The following ALKBH6 variants were observed in gnomAD, a reference collection of about 807,000 sequenced individuals.
ALKBH6 encodes the protein probable RNA/DNA demethylase ALKBH6.
ALKBH6 carries 20 observed loss-of-function variants against 25.1 expected under a neutral mutation model. That is an observed-to-expected ratio of 0.80 (90% CI 0.56 to 1.16). The LOEUF (loss-of-function observed/expected upper bound fraction) is 1.16. ALKBH6 is among the 50% of genes most tolerant of loss of function. The probability of loss-of-function intolerance (pLI) is 0.00; values close to 1 mark genes in which losing one functional copy is unlikely to be tolerated. For missense variants in ALKBH6, 263 were observed against 326.5 expected (o/e 0.81, Z 1.50); for synonymous variants, 156 against 147.5 (o/e 1.06, Z -0.42).
rs1258162263 is a variant in ALKBH6 at position 36,009,566 on chromosome 19, T to C, written c.454-13A>G. On this transcript the variant is annotated splice_polypyrimidine_tract_variant and intron_variant, in intron 6 of 6. Coordinates refer to ENST00000378875, the MANE Select transcript of ALKBH6 (RefSeq NM_032878.5). ...GCGGAGGCCGAGGCTGCAGGGCGGG[T>C]TGAGGGTCAGCAGGGCTCAAGAAGT... The C allele has an allele frequency of 2.4e-6, 3 of 1,225,806 alleles. No individual in the cohort carries two copies. The highest frequency in any genetic ancestry group is 3.0e-6 in the Non-Finnish European group (3 of 988,802). The allele number at this position is 1,225,806 out of a possible 1,614,324, so 75.9% of individuals were successfully genotyped here.
Position 36,013,724 on chromosome 19 carries a change from C to T in ALKBH6, c.-25-302G>A, listed in dbSNP as rs1018622533. On this transcript the variant is annotated intron_variant, in intron 1 of 6. Transcript: ENST00000378875. This position sits in a 1 kb window ranked among gnomAD's most constrained non-coding sequence, Gnocchi z 4.6. Reference sequence around the variant, plus strand: ...ATTCTCTGGCCCCACACACAGGGAGCCTTTCTCAAAAGCTCTACACATAGC... The same window carrying T: ...ATTCTCTGGCCCCACACACAGGGAGTCTTTCTCAAAAGCTCTACACATAGC... 1.6e-6 allele frequency: 2 copies of T among 1,266,824 alleles called. No individual in the cohort carries two copies. The highest frequency in any genetic ancestry group is 2.0e-6 in the Non-Finnish European group (2 of 1,001,688). The allele number at this position is 1,266,824 out of a possible 1,614,324, so 78.5% of individuals were successfully genotyped here.
chr19:36,013,838 A>C lies in ALKBH6; in HGVS notation c.-26+337T>G, dbSNP rs1599688462. On this transcript the variant is annotated intron_variant, in intron 1 of 6. Coordinates refer to ENST00000378875, the MANE Select transcript of ALKBH6 (RefSeq NM_032878.5). This position sits in a 1 kb window ranked among gnomAD's most constrained non-coding sequence, Gnocchi z 4.6. ...TGAGCCCGGCTATCAACACTCAGCGACCCCCGCCCCCCACCGAATCCCATT... is the reference window on the plus strand; with the variant it reads ...TGAGCCCGGCTATCAACACTCAGCGCCCCCCGCCCCCCACCGAATCCCATT... 4.7e-6 allele frequency: 6 copies of C among 1,274,762 alleles called. No individual in the cohort carries two copies. Among genetic ancestry groups the C allele is most frequent in the Non-Finnish European group, 5.9e-6 (6 of 1,010,966 alleles). The allele number at this position is 1,274,762 out of a possible 1,614,324, so 79.0% of individuals were successfully genotyped here. A position where few individuals can be genotyped will look rare whatever the true frequency, so the allele number is the denominator to read the frequency against.
Position 36,010,682 on chromosome 19 carries a change from G to A in ALKBH6, c.338C>T (p.Pro113Leu), listed in dbSNP as rs529758959. Reference protein sequence around the residue: ...NQYLPGEGIMPHEDGPLYYPT... With the variant: ...NQYLPGEGIMLHEDGPLYYPT... ...GTAGTACAGTGGTCCGTCCTCGTGG[G>A]GCTAGGGAGTGGGCACCAGGGCTGG... The change falls in exon 6 of 7, where the codon CCC becomes CTC. Residue 113 changes from proline (P) to leucine (L), a missense_variant and splice_region_variant. Coordinates refer to ENST00000378875, the MANE Select transcript of ALKBH6 (RefSeq NM_032878.5). The surrounding 1 kb of genome is among the most constrained non-coding windows in gnomAD (Gnocchi z 5.5). 6.2e-7 allele frequency: 1 copy of A among 1,613,660 alleles called. No homozygotes were observed.
Position 36,010,149 on chromosome 19 carries a change from G to A in ALKBH6, c.453+418C>T, listed in dbSNP as rs1968554719. 1 of 191,258 alleles carries A rather than the reference G, an allele frequency of 5.2e-6. No homozygotes were observed. Among genetic ancestry groups the A allele is most frequent in the Non-Finnish European group, 1.1e-5 (1 of 93,396 alleles). The allele number at this position is 191,258 out of a possible 1,614,324, so 11.8% of individuals were successfully genotyped here. On this transcript the variant is annotated intron_variant, in intron 6 of 6. Coordinates refer to ENST00000378875, the MANE Select transcript of ALKBH6 (RefSeq NM_032878.5). This position sits in a 1 kb window ranked among gnomAD's most constrained non-coding sequence, Gnocchi z 5.5. ...GAAATGCATCACTCAGAGAAATTGT[G>A]TCAAGGGGTCAAGGAGAATCTGGGG...
intron 1 of ALKBH6, 91 bp downstream of exon 1, chr19:36,014,084 C>A: frequency 1.3e-6 from 2 of 1,580,640 alleles, no homozygotes; most frequent in South Asian, 1.1e-5. Flanking sequence ...AAGCTCTGAG[C>A]CTCCTCGGAC....
At position 36,013,070 on chromosome 19, in the gene ALKBH6, T is replaced by C. The variant is rs985937920; in HGVS notation, c.74A>G (p.Tyr25Cys). The change falls in exon 3 of 7, where the codon TAT (tyrosine) becomes TGT (cysteine). Residue 25 changes from tyrosine (Y) to cysteine (C), a missense_variant. Tyr to Cys is a radical substitution (Grantham distance 194, BLOSUM62 -2). Transcript: ENST00000378875. The surrounding 1 kb of genome is among the most constrained non-coding windows in gnomAD (Gnocchi z 4.6). ...RVEQAPPVIY[Y>C]VPDFISKEEE... ...TTCTTTGGAGATGAAGTCAGGGACATAGTAGATTACAGGTGGTGCCTAGGA... is the reference window on the plus strand; with the variant it reads ...TTCTTTGGAGATGAAGTCAGGGACACAGTAGATTACAGGTGGTGCCTAGGA... 1 of 1,613,976 alleles carries C rather than the reference T, an allele frequency of 6.2e-7. No individual in the cohort carries two copies. The highest frequency in any genetic ancestry group is 8.5e-7 in the Non-Finnish European group (1 of 1,179,928).
At position 36,010,408 on chromosome 19, in the gene ALKBH6, G is replaced by A. The variant is rs1214813880; in HGVS notation, c.453+159C>T. The A allele has an allele frequency of 1.5e-6, 1 of 686,230 alleles. No homozygotes were observed. Among genetic ancestry groups the A allele is most frequent in the Non-Finnish European group, 2.6e-6 (1 of 387,072 alleles). 42.5% of individuals were successfully genotyped at this position (686,230 alleles called of 1,614,324 possible). ...CAGACACCCTGTAAGCAGATGGGTT[G>A]GGTGTCTGGGAGGAAGTGGGTACAC... On this transcript the variant is annotated intron_variant, in intron 6 of 6. Transcript: ENST00000378875. This position sits in a 1 kb window ranked among gnomAD's most constrained non-coding sequence, Gnocchi z 5.5.
In ALKBH6 at chr19:36,013,151, C is replaced by A. The variant is rs1437429110; in HGVS notation, c.55-62G>T. ...AACCCACACAGAGGACATATCATCACAGAGCAACCCCTATGCCTGGAGACA... is the reference window on the plus strand; with the variant it reads ...AACCCACACAGAGGACATATCATCAAAGAGCAACCCCTATGCCTGGAGACA... On this transcript the variant is annotated intron_variant, in intron 2 of 6. Transcript: ENST00000378875. This position sits in a 1 kb window ranked among gnomAD's most constrained non-coding sequence, Gnocchi z 4.6. 2.0e-6 allele frequency: 3 copies of A among 1,535,266 alleles called. No homozygotes were observed. The highest frequency in any genetic ancestry group is 2.7e-6 in the Non-Finnish European group (3 of 1,109,418).
Position 36,010,685 on chromosome 19 carries a change from T to C in ALKBH6, c.337-2A>G. 6.2e-7 allele frequency: 1 copy of C among 1,613,380 alleles called. No individual in the cohort carries two copies. ...GTACAGTGGTCCGTCCTCGTGGGGC[T>C]AGGGAGTGGGCACCAGGGCTGGGCA... On this transcript the variant is annotated splice_acceptor_variant, in intron 5 of 6. Transcript: ENST00000378875. LOFTEE classifies it high-confidence loss of function. The surrounding 1 kb of genome is among the most constrained non-coding windows in gnomAD (Gnocchi z 5.5).
Position 36,013,986 on chromosome 19 carries a change from C to G in ALKBH6, c.-26+189G>C. The G allele has an allele frequency of 7.1e-7, 1 of 1,409,436 alleles. No homozygotes were observed. Among genetic ancestry groups the G allele is most frequent in the East Asian group, 2.9e-5 (1 of 34,714 alleles). 87.3% of individuals were successfully genotyped at this position (1,409,436 alleles called of 1,614,324 possible). A position where few individuals can be genotyped will look rare whatever the true frequency, so the allele number is the denominator to read the frequency against. ...CTGAGCGCCCCTTCACTCCAGCACC[C>G]TGAGATCTTTAGCTCTGAGGCTGAC... On this transcript the variant is annotated intron_variant, in intron 1 of 6. Transcript: ENST00000378875. The surrounding 1 kb of genome is among the most constrained non-coding windows in gnomAD (Gnocchi z 4.6).
In ALKBH6 at chr19:36,013,161, C is replaced by A; in HGVS notation, c.55-72G>T. On this transcript the variant is annotated intron_variant, in intron 2 of 6. Transcript: ENST00000378875. This position sits in a 1 kb window ranked among gnomAD's most constrained non-coding sequence, Gnocchi z 4.6. ...GAGGACATATCATCACAGAGCAACC[C>A]CTATGCCTGGAGACAGGCTCAGGAT... 6.6e-7 allele frequency: 1 copy of A among 1,511,584 alleles called. No homozygotes were observed. Among genetic ancestry groups the A allele is most frequent in the South Asian group, 1.1e-5 (1 of 88,520 alleles). 93.6% of individuals were successfully genotyped at this position (1,511,584 alleles called of 1,614,324 possible).
Position 36,009,326 on chromosome 19 carries a change from G to C in ALKBH6, c.681C>G (p.Pro227=). The C allele has an allele frequency of 7.4e-7, 1 of 1,357,774 alleles. No individual in the cohort carries two copies. Among genetic ancestry groups the C allele is most frequent in the Non-Finnish European group, 9.5e-7 (1 of 1,052,766 alleles). 84.1% of individuals were successfully genotyped at this position (1,357,774 alleles called of 1,614,324 possible). The change falls in exon 7 of 7, where the codon CCC becomes CCG. Residue 227 remains proline, a synonymous_variant. Coordinates refer to ENST00000378875, the MANE Select transcript of ALKBH6 (RefSeq NM_032878.5). ...GCAGGAGGCCGGCGCGCAGCACGCG[G>C]GGCACGCGGCGGATGGTCAGCGAGA... ...TRVSLTIRRV[P]RVLRAGLLLG...
Position 36,009,253 on chromosome 19 carries a change from A to C in ALKBH6, c.*37T>G. 1 of 1,296,498 alleles carries C rather than the reference A, an allele frequency of 7.7e-7. No individual in the cohort carries two copies. The highest frequency in any genetic ancestry group is 9.8e-7 in the Non-Finnish European group (1 of 1,023,260). 80.3% of individuals were successfully genotyped at this position (1,296,498 alleles called of 1,614,324 possible). On this transcript the variant is annotated 3_prime_UTR_variant, in exon 7 of 7. Coordinates refer to ENST00000378875, the MANE Select transcript of ALKBH6 (RefSeq NM_032878.5). ...GGAGTCACAGCAGCCCCAAAGGGGC[A>C]GGAACCTGGGAATCCGAGGGGTCCC... is the stretch of plus-strand genomic sequence containing the variant.
At chr19:36,011,557 G>A in intron 3 of ALKBH6, 93 bp from the exon 4 acceptor site, 3 of 1,348,426 alleles carry the variant, frequency 2.2e-6, no homozygotes, top group Non-Finnish European at 2.1e-6. Context: ...CCTCCGGGAT[G>A]GAAATGGGTC....
Position 36,013,008 on chromosome 19 carries a change from G to A in ALKBH6, c.123+13C>T. On this transcript the variant is annotated intron_variant, in intron 3 of 6. Coordinates refer to ENST00000378875, the MANE Select transcript of ALKBH6 (RefSeq NM_032878.5). The surrounding 1 kb of genome is among the most constrained non-coding windows in gnomAD (Gnocchi z 4.6). The stretch of plus-strand genomic sequence containing the variant: ...AAGAGTGGGAAAACAGACCAGTAGG[G>A]CACTGAGGTCACCTGTCGAAGCAAA... 1 of 1,608,884 alleles carries A rather than the reference G, an allele frequency of 6.2e-7. No individual in the cohort carries two copies. The highest frequency in any genetic ancestry group is 1.7e-4 in the Middle Eastern group (1 of 6,052).
At position 36,009,274 on chromosome 19, in the gene ALKBH6, G is replaced by T; in HGVS notation, c.*16C>A. 1.5e-6 allele frequency: 2 copies of T among 1,335,220 alleles called. No individual in the cohort carries two copies. The highest frequency in any genetic ancestry group is 1.9e-6 in the Non-Finnish European group (2 of 1,043,820). 82.7% of individuals were successfully genotyped at this position (1,335,220 alleles called of 1,614,324 possible). The stretch of plus-strand genomic sequence containing the variant: ...GGGCAGGAACCTGGGAATCCGAGGG[G>T]TCCCGGCCCTGGCGGTCACTTGCCC... On this transcript the variant is annotated 3_prime_UTR_variant, in exon 7 of 7. Transcript: ENST00000378875.
Position 36,009,367 on chromosome 19 carries a change from C to G in ALKBH6, c.640G>C (p.Val214Leu). The change falls in exon 7 of 7, where the codon GTG (valine) becomes CTG (leucine). Residue 214 changes from valine to leucine, a missense_variant. This residue lies in a region of ALKBH6 where 148 missense variants were observed against 157.5 expected (regional missense o/e 0.94). Transcript: ENST00000378875. ...CPSARPGACLVRGTRVSLTIR... is the reference protein window; with the variant it reads ...CPSARPGACLLRGTRVSLTIR... ...GTCAGCGAGACCCGGGTGCCGCGCACCAGGCAGGCTCCCGGCCGCGCCGAC... is the reference window on the plus strand; with the variant it reads ...GTCAGCGAGACCCGGGTGCCGCGCAGCAGGCAGGCTCCCGGCCGCGCCGAC... The G allele has an allele frequency of 1.6e-6, 2 of 1,283,630 alleles. No individual in the cohort carries two copies. The highest frequency in any genetic ancestry group is 2.0e-6 in the Non-Finnish European group (2 of 1,015,734). The allele number at this position is 1,283,630 out of a possible 1,614,324, so 79.5% of individuals were successfully genotyped here. A position where few individuals can be genotyped will look rare whatever the true frequency, so the allele number is the denominator to read the frequency against.
chr19:36,013,941 C>T lies in ALKBH6; in HGVS notation c.-26+234G>A. On this transcript the variant is annotated intron_variant, in intron 1 of 6. Transcript: ENST00000378875. This position sits in a 1 kb window ranked among gnomAD's most constrained non-coding sequence, Gnocchi z 4.6. ...GCCTCCTCGGATCCCCCCATTTGGA[C>T]GCCCCTCGGATTTCCCCTCCTGAGC... 2.2e-6 allele frequency: 3 copies of T among 1,370,580 alleles called. No homozygotes were observed. Among genetic ancestry groups the T allele is most frequent in the Non-Finnish European group, 2.8e-6 (3 of 1,068,694 alleles). The allele number at this position is 1,370,580 out of a possible 1,614,324, so 84.9% of individuals were successfully genotyped here. A position where few individuals can be genotyped will look rare whatever the true frequency, so the allele number is the denominator to read the frequency against.
Position 36,013,204 on chromosome 19 carries a change from G to A in ALKBH6, c.55-115C>T, listed in dbSNP as rs1428731754. 1 of 1,440,212 alleles carries A rather than the reference G, an allele frequency of 6.9e-7. No homozygotes were observed. The highest frequency in any genetic ancestry group is 1.2e-5 in the South Asian group (1 of 85,402). The allele number at this position is 1,440,212 out of a possible 1,614,324, so 89.2% of individuals were successfully genotyped here. A position where few individuals can be genotyped will look rare whatever the true frequency, so the allele number is the denominator to read the frequency against. On this transcript the variant is annotated intron_variant, in intron 2 of 6. Transcript: ENST00000378875. This position sits in a 1 kb window ranked among gnomAD's most constrained non-coding sequence, Gnocchi z 4.6. Reference sequence around the variant, plus strand: ...CTCAGGATGTCCTCAGACAGGTCAGGGTCTAAAGTCAAGGGACCAGTGCCA... The same window carrying A: ...CTCAGGATGTCCTCAGACAGGTCAGAGTCTAAAGTCAAGGGACCAGTGCCA...
Sources: allele counts gnomAD v4.1 joint callset, GRCh38; gene constraint gnomAD v4.1.1; regional missense constraint gnomAD v4.1.1; non-coding constraint Gnocchi (gnomAD v3.1); transcripts MANE v1.5; gene names NCBI Gene and HGNC (gene_info 2026-07-23, HGNC 2026-07-21).